Variants in MAGI2 observed in about 807,000 individuals in gnomAD.
MAGI2 encodes the protein membrane associated guanylate kinase, WW and PDZ domain containing 2.
Under a neutral mutation model 133.3 loss-of-function variants are expected in MAGI2, and 35 were observed. The observed-to-expected ratio is 0.26, with a 90% CI of 0.20 to 0.35. The LOEUF (loss-of-function observed/expected upper bound fraction) is 0.35, where lower values mean the gene tolerates loss of function less well. MAGI2 is among the 10% of genes least tolerant of loss of function. MAGI2 has a pLI of 1.00. For synonymous variants in MAGI2, 729 were observed against 710.6 expected (o/e 1.03, Z -0.41); for missense variants, 1,636 against 1,863.4 (o/e 0.88, Z 2.25).
intron 1 of MAGI2, among the ~76,000 whole-genome samples, chr7:79,029,529 A>G (rs1810359045): frequency 6.6e-6 from 1 of 152,150 alleles, no homozygotes; most frequent in South Asian, 2.1e-4. Flanking sequence ...CCTTCAAACC[A>G]GGCAATTCTG....
chr7:78,516,415 G>C (rs997509228), intron 4 of MAGI2, among the ~76,000 whole-genome samples: 3 of 152,124 alleles, frequency 2.0e-5, no homozygotes, highest in Admixed American at 6.5e-5. Context: ...GCAGAGGCAT[G>C]ATCATGGCTC....
chr7:79,078,448 T>C (rs553998867), intron 1 of MAGI2, among the ~76,000 whole-genome samples: 30 of 152,274 alleles, frequency 2.0e-4, no homozygotes, highest in African/African-American at 6.5e-4. Flanking sequence ...TGAAAGGATT[T>C]CTTATCTACC....
chr7:78,263,766 G>C (rs191867247), intron 9 of MAGI2, among the ~76,000 whole-genome samples: 74 of 152,162 alleles, frequency 4.9e-4, no homozygotes, highest in African/African-American at 1.6e-3. Flanking sequence ...ACATCCTTTA[G>C]TGCCTGCTGA....
chr7:79,308,517 C>A (rs1838001905), intron 1 of MAGI2, among the ~76,000 whole-genome samples: 1 of 152,170 alleles, frequency 6.6e-6, no homozygotes, highest in Non-Finnish European at 1.5e-5. Flanking sequence ...CCTGCTGGTG[C>A]TGTAATTTCA....
At chr7:79,037,510 A>C (rs1191450272) in intron 1 of MAGI2, among the ~76,000 whole-genome samples, 2 of 152,160 alleles carry the variant, frequency 1.3e-5, no homozygotes, top group African/African-American at 4.8e-5. Flanking sequence ...TTAGGACTAC[A>C]GTCACCTAAA....
At chr7:78,655,975 C>G (rs1812216530) in intron 2 of MAGI2, among the ~76,000 whole-genome samples, 1 of 108,732 alleles carries the variant, frequency 9.2e-6, no homozygotes, top group South Asian at 3.1e-4. Flanking sequence ...AGCAAGACTC[C>G]GTCTCAAAAA....
intron 1 of MAGI2, among the ~76,000 whole-genome samples, chr7:79,176,721 C>T (rs1297430285): frequency 1.3e-5 from 2 of 151,830 alleles, no homozygotes; most frequent in Admixed American, 6.6e-5. Flanking sequence ...TATAAAACAC[C>T]GTGATCTGAG....
intron 2 of MAGI2, among the ~76,000 whole-genome samples, chr7:78,776,372 C>T (rs1259274158): frequency 3.3e-5 from 5 of 152,200 alleles, no homozygotes; most frequent in Non-Finnish European, 7.3e-5. Flanking sequence ...TTTAACTAAT[C>T]ATAAACTACA....
chr7:78,533,480 T>C (rs1025321618), intron 3 of MAGI2, among the ~76,000 whole-genome samples: 4 of 152,130 alleles, frequency 2.6e-5, no homozygotes, highest in African/African-American at 9.7e-5. Context: ...AAGGTTCCAG[T>C]GTAATCTCTG....
chr7:79,310,297 G>T (rs939328701), intron 1 of MAGI2, among the ~76,000 whole-genome samples: 2 of 145,266 alleles, frequency 1.4e-5, no homozygotes, highest in East Asian at 2.2e-4. Flanking sequence ...TAAAGATACA[G>T]CAATCCATGG....
intron 10 of MAGI2, among the ~76,000 whole-genome samples, chr7:78,229,429 T>G (rs1284071970): frequency 5.9e-5 from 9 of 152,230 alleles, no homozygotes; most frequent in Admixed American, 3.3e-4. Flanking sequence ...ACCTTCACTT[T>G]GCAAGGAAAT....
chr7:78,091,052 ATGTGTGTG>A (rs3084764), intron 20 of MAGI2, among the ~76,000 whole-genome samples: 1 of 150,120 alleles, frequency 6.7e-6, no homozygotes, highest in East Asian at 2.0e-4. Flanking sequence ...ATGTGTGTGT[ATGTGTGTG>A]TGTGTGTGTG....
At chr7:79,180,447 G>T (rs963482474) in intron 1 of MAGI2, among the ~76,000 whole-genome samples, 3 of 151,968 alleles carry the variant, frequency 2.0e-5, no homozygotes, top group Admixed American at 6.6e-5. Flanking sequence ...CAAAAAGAGA[G>T]CCTGCGCAAA....
At chr7:78,120,045 A>T (rs1315660728) in intron 20 of MAGI2, among the ~76,000 whole-genome samples, 1 of 152,198 alleles carries the variant, frequency 6.6e-6, no homozygotes, top group African/African-American at 2.4e-5. Flanking sequence ...AAAGATGTAA[A>T]TTTTTCCATA....
chr7:78,901,200 T>C (rs1797596387), intron 2 of MAGI2: 1 of 152,216 alleles, frequency 6.6e-6, no homozygotes, highest in African/African-American at 2.4e-5. Flanking sequence ...AATTCTGTTG[T>C]TAGTGATTTA....
rs558670816 is a variant in MAGI2, at chr7:78,265,857, C to G, written c.1409-9276G>C. 1.4e-4 allele frequency among the ~76,000 whole-genome samples: 21 copies of G among 152,306 alleles called. No homozygotes were observed. The South Asian group carries it at 4.1e-3, about 30-fold the overall frequency. The stretch of plus-strand genomic sequence containing the variant: ...GAGGCCAGCATGGCATGACCTGTCG[C>G]CATCTTTTGACCTTACTCCAACATA... On this transcript the variant is annotated intron_variant, in intron 9 of 21. Coordinates refer to ENST00000354212, the MANE Select transcript of MAGI2 (RefSeq NM_012301.4).
intron 5 of MAGI2, among the ~76,000 whole-genome samples, chr7:78,490,721 T>C (rs932733836): frequency 2.6e-5 from 4 of 152,154 alleles, no homozygotes; most frequent in Admixed American, 1.3e-4. Context: ...GTACTTCTTA[T>C]GCACATTACA....
intron 1 of MAGI2, among the ~76,000 whole-genome samples, chr7:79,093,714 C>CTTTTTT (rs369075503): frequency 4.4e-5 from 5 of 113,288 alleles, no homozygotes; most frequent in African/African-American, 1.3e-4. Flanking sequence ...CTTTTCTTTT[C>CTTTTTT]TTTTTTTTTT....
intron 2 of MAGI2, among the ~76,000 whole-genome samples, chr7:78,905,118 C>T (rs1362848823): frequency 2.6e-5 from 4 of 152,156 alleles, no homozygotes; most frequent in African/African-American, 7.2e-5. Context: ...CCTAGGCTTA[C>T]TCTCCCTGAG....
Sources: allele counts gnomAD v4.1 joint callset (sites outside exome capture counted in the v4.1 genomes callset), GRCh38; gene constraint gnomAD v4.1.1; transcripts MANE v1.5; gene names NCBI Gene and HGNC (gene_info 2026-07-23, HGNC 2026-07-21).